Variants in PTPRC observed in about 807,000 individuals in gnomAD.
PTPRC encodes protein tyrosine phosphatase receptor type C.
Under a neutral mutation model 155.9 loss-of-function variants are expected in PTPRC, and 44 were observed. The ratio of observed to expected loss-of-function variants is 0.28; its 90% CI spans 0.22 to 0.36. The LOEUF (loss-of-function observed/expected upper bound fraction) is 0.36. Among genes scored for constraint, PTPRC ranks in the 10% least tolerant of loss-of-function variants. The probability of loss-of-function intolerance (pLI) is 1.00; values close to 1 mark genes in which losing one functional copy is unlikely to be tolerated. For synonymous variants in PTPRC, 525 were observed against 533.1 expected (o/e 0.98, Z 0.21); for missense variants, 1,401 against 1,564.6 (o/e 0.90, Z 1.76).
intron 2 of PTPRC, among the ~76,000 whole-genome samples, chr1:198,673,789 C>A (rs79598022): frequency 3.9e-5 from 6 of 152,058 alleles, no homozygotes; most frequent in Non-Finnish European, 7.4e-5. Flanking sequence ...CCAAGAAATG[C>A]GGTAGAATAA....
chr1:198,749,343 A>G (rs1453737165), intron 27 of PTPRC, 73 bp from the exon 28 acceptor site: 2 of 1,454,470 alleles, frequency 1.4e-6, no homozygotes, highest in Non-Finnish European at 1.9e-6. Flanking sequence ...AAATACTTTC[A>G]AATTTCCACA....
chr1:198,722,351 T>A, intron 14 of PTPRC, 65 bp from the exon 15 acceptor site: 2 of 403,142 alleles, frequency 5.0e-6, no homozygotes, highest in Non-Finnish European at 7.5e-6. Context: ...TGATATATAA[T>A]ATATATATAT....
At position 198,735,249 on chromosome 1, in the gene PTPRC, A is replaced by G. The variant is rs1336315819; in HGVS notation, c.2400A>G (p.Val800=). The G allele has an allele frequency of 6.3e-7, 1 of 1,598,470 alleles. No homozygotes were observed. The highest frequency in any genetic ancestry group is 1.1e-5 in the South Asian group (1 of 87,852). ...PDYIIQKLNI[V]NKKEKATGRE... ...ACATCATTCAGAAATTGAACATTGT[A>G]AATGTGAGTTTGCTTTTTACATAAT... Residue 800 remains valine, a synonymous_variant, in exon 23 of 33, where the codon GTA becomes GTG. Transcript: ENST00000442510.
intron 2 of PTPRC, among the ~76,000 whole-genome samples, chr1:198,661,243 G>A (rs539814845): frequency 6.6e-6 from 1 of 151,346 alleles, no homozygotes; most frequent in Non-Finnish European, 1.5e-5. Flanking sequence ...GGAATATAAA[G>A]AGGTTTTGTC....
At chr1:198,721,847 T>A (rs896592927) in intron 14 of PTPRC, among the ~76,000 whole-genome samples, 1 of 151,426 alleles carries the variant, frequency 6.6e-6, no homozygotes, top group Non-Finnish European at 1.5e-5. Context: ...TTACTTAAAT[T>A]TTTTTGGTCA....
chr1:198,648,779 A>G (rs1053431823), intron 2 of PTPRC, among the ~76,000 whole-genome samples: 1 of 151,844 alleles, frequency 6.6e-6, no homozygotes, highest in South Asian at 2.1e-4. Context: ...TCATCCTGAA[A>G]AGGAGGCTAA....
At chr1:198,641,329 G>T (rs1437872937) in intron 2 of PTPRC, among the ~76,000 whole-genome samples, 1 of 151,912 alleles carries the variant, frequency 6.6e-6, no homozygotes, top group East Asian at 1.9e-4. Context: ...AGCAACAAAT[G>T]AGTTGGATTC....
At chr1:198,753,691 T>A (rs1655491052) in intron 31 of PTPRC, among the ~76,000 whole-genome samples, 1 of 152,028 alleles carries the variant, frequency 6.6e-6, no homozygotes, top group African/African-American at 2.4e-5. Flanking sequence ...AACATATTGT[T>A]TAAATTGAAT....
At chr1:198,734,118 C>T in intron 20 of PTPRC, 78 bp from the exon 21 acceptor site, 2 of 1,388,966 alleles carry the variant, frequency 1.4e-6, no homozygotes, top group Non-Finnish European at 1.0e-6. Flanking sequence ...GAAGCAATTC[C>T]TCTAACTCAC....
chr1:198,687,607 G>A (rs1665700065), intron 2 of PTPRC, among the ~76,000 whole-genome samples: 2 of 152,166 alleles, frequency 1.3e-5, no homozygotes, highest in South Asian at 4.1e-4. Context: ...AGATGACTGG[G>A]GGGGCGGGGT....
intron 2 of PTPRC, chr1:198,679,586 G>T (rs1665182368): frequency 5.0e-6 from 1 of 198,886 alleles, no homozygotes. Flanking sequence ...ACTTTTGACA[G>T]AAGGATGCCA....
At chr1:198,744,617 G>A (rs1230134899) in intron 26 of PTPRC, among the ~76,000 whole-genome samples, 1 of 151,890 alleles carries the variant, frequency 6.6e-6, no homozygotes, top group African/African-American at 2.4e-5. Context: ...ACTGGCTGGA[G>A]CTGGTAGACA....
At chr1:198,741,090 T>C (rs941320845) in intron 23 of PTPRC, among the ~76,000 whole-genome samples, 21 of 151,904 alleles carry the variant, frequency 1.4e-4, no homozygotes, top group African/African-American at 4.8e-4. Flanking sequence ...ACCTGCTCCA[T>C]AGATATGAGG....
At chr1:198,712,136 A>G (rs1357302000) in intron 11 of PTPRC, among the ~76,000 whole-genome samples, 3 of 152,234 alleles carry the variant, frequency 2.0e-5, no homozygotes, top group African/African-American at 7.2e-5. Context: ...TATCTTTACA[A>G]TAACTACTGA....
intron 2 of PTPRC, among the ~76,000 whole-genome samples, chr1:198,666,076 C>CA (rs1275084105): frequency 1.3e-5 from 2 of 151,682 alleles, no homozygotes; most frequent in East Asian, 1.9e-4. Context: ...CCCATCTCTA[C>CA]AAAAAATACA....
intron 14 of PTPRC, 64 bp downstream of exon 14, chr1:198,718,366 TTAAA>T (rs1653706148): frequency 7.7e-7 from 1 of 1,305,960 alleles, no homozygotes. Flanking sequence ...TTCATAGTAC[TTAAA>T]TAACTTTAAG....
At chr1:198,688,524 A>T (rs1474121520) in intron 2 of PTPRC, among the ~76,000 whole-genome samples, 1 of 152,162 alleles carries the variant, frequency 6.6e-6, no homozygotes, top group Non-Finnish European at 1.5e-5. Flanking sequence ...AGTTTGGTTG[A>T]CTTTCCTGTC....
intron 12 of PTPRC, among the ~76,000 whole-genome samples, chr1:198,714,162 T>C (rs1653449007): frequency 6.6e-6 from 1 of 152,152 alleles, no homozygotes; most frequent in Non-Finnish European, 1.5e-5. Flanking sequence ...TACAAACACT[T>C]TGTGTAGCTT....
chr1:198,743,746 CTAAAGG>C, intron 25 of PTPRC, among the ~76,000 whole-genome samples: 1 of 151,812 alleles, frequency 6.6e-6, no homozygotes. Context: ...CCAATAATCA[CTAAAGG>C]AAGTAACATA....
Sources: gnomAD v4.1 joint callset for allele counts (sites outside exome capture counted in the v4.1 genomes callset) on GRCh38, gnomAD v4.1.1 for gene constraint, MANE v1.5 for transcripts, NCBI Gene and HGNC (gene_info 2026-07-23, HGNC 2026-07-21) for gene names.